ADGRE3: variants seen among roughly 807,000 people sequenced by gnomAD.
The protein encoded by ADGRE3 is adhesion G protein-coupled receptor E3, also known as EGF-like module receptor 3.
In ADGRE3, 88 loss-of-function variants were observed where a neutral mutation model predicts 80.1. The ratio of observed to expected loss-of-function variants is 1.10; its 90% CI spans 0.93 to 1.31. The LOEUF is 1.31. Ranked by LOEUF, ADGRE3 falls within the 40% of genes most tolerant of loss-of-function variation. ADGRE3 has a pLI of 0.00. For synonymous variants in ADGRE3, 281 were observed against 294.8 expected (o/e 0.95, Z 0.48); for missense variants, 715 against 776.5 (o/e 0.92, Z 0.94).
At chr19:14,638,478 A>C in intron 10 of ADGRE3, 138 bp from the exon 11 acceptor site, 1 of 631,792 alleles carries the variant, frequency 1.6e-6, no homozygotes, top group Non-Finnish European at 2.8e-6. Flanking sequence ...AACTGGATGC[A>C]GTGGCTCATG....
intron 4 of ADGRE3, 76 bp downstream of exon 4, chr19:14,661,887 A>T: frequency 6.7e-7 from 1 of 1,502,420 alleles, no homozygotes; most frequent in Non-Finnish European, 9.2e-7. Flanking sequence ...TCTGTCTCAA[A>T]ACAAAACAAA....
chr19:14,644,154 C>T lies in ADGRE3; in HGVS notation c.1004G>A (p.Cys335Tyr), dbSNP rs1332429658. The change falls in exon 9 of 16, where the codon TGC (cysteine) becomes TAC (tyrosine). Residue 335 changes from cysteine (C) to tyrosine (Y), a missense_variant. By Grantham distance (194) the Cys-to-Tyr change is radical (BLOSUM62 -2). Transcript: ENST00000253673. ...GACAGCGAAGCTGGACAGGTGACTG[C>T]AATTACACATGGTGTGACTCTTGTT... ...HVNKSHTMCN[C>Y]SHLSSFAVLM... 5 of 1,597,850 alleles carry T rather than the reference C, an allele frequency of 3.1e-6. 1 individual carries two copies. The highest frequency in any genetic ancestry group is 3.3e-4 in the Middle Eastern group (2 of 5,976).
At chr19:14,607,425 G>A in the ADGRE3 span, among the ~76,000 whole-genome samples, 4,795 of 151,700 alleles carry the variant, frequency 0.032, 111 homozygotes, top group East Asian at 0.073. Flanking sequence ...GGATGGTCTT[G>A]ATCTCCTGAC....
Position 14,625,575 on chromosome 19 carries a change from A to C in ADGRE3, c.1837T>G (p.Phe613Val), listed in dbSNP as rs777402584. Residue 613 changes from phenylalanine to valine, a missense_variant, in exon 15 of 16, where the codon TTT (phenylalanine) becomes GTT (valine). By Grantham distance (50) the Phe-to-Val change is conservative (BLOSUM62 -1). Coordinates refer to ENST00000253673, the MANE Select transcript of ADGRE3 (RefSeq NM_032571.5). ...GATTTTGATTTTACGATCTCTCTAA[A>C]CCACTTTTGATATTGTTTCTGGACC... ...QQVQKQYQKW[F>V]REIVKSKSES... 1 of 1,613,268 alleles carries C rather than the reference A, an allele frequency of 6.2e-7. No homozygotes were observed. The highest frequency in any genetic ancestry group is 1.1e-5 in the South Asian group (1 of 91,010).
At chr19:14,650,494 C>T (rs1279298726) in intron 7 of ADGRE3, among the ~76,000 whole-genome samples, 1 of 151,372 alleles carries the variant, frequency 6.6e-6, no homozygotes, top group Non-Finnish European at 1.5e-5. Context: ...CTCTCCCCAT[C>T]TCTCTCTTCC....
chr19:14,659,662 A>C (rs1407623950), intron 4 of ADGRE3, among the ~76,000 whole-genome samples: 1 of 151,568 alleles, frequency 6.6e-6, no homozygotes, highest in African/African-American at 2.4e-5. Context: ...CTCTACTAAA[A>C]ATACAAAAAT....
chr19:14,671,486 C>G (rs1176550968), intron 1 of ADGRE3, among the ~76,000 whole-genome samples: 1 of 152,164 alleles, frequency 6.6e-6, no homozygotes, highest in East Asian at 1.9e-4. Context: ...TATTAGGCCC[C>G]CTGGAAAATT....
In ADGRE3 at chr19:14,663,461, T is replaced by G; in HGVS notation, c.156A>C (p.Gly52=). 3 of 1,613,160 alleles carry G rather than the reference T, an allele frequency of 1.9e-6. No homozygotes were observed. Among genetic ancestry groups the G allele is most frequent in the Non-Finnish European group, 2.5e-6 (3 of 1,179,350 alleles). ...GGAATGTGAATAGTTTCTGCCCAGATCCAGAAGTATATCCATGGTTGCAGG... is the reference window on the plus strand; with the variant it reads ...GGAATGTGAATAGTTTCTGCCCAGAGCCAGAAGTATATCCATGGTTGCAGG... ...HCTCNHGYTS[G]SGQKLFTFPL... is the part of the protein sequence containing the mutation. The change falls in exon 3 of 16, where the codon GGA becomes GGC. Residue 52 remains glycine, a synonymous_variant. Coordinates refer to ENST00000253673, the MANE Select transcript of ADGRE3 (RefSeq NM_032571.5).
At chr19:14,655,209 G>A in intron 5 of ADGRE3, 44 bp from the exon 6 acceptor site, 1 of 1,543,806 alleles carries the variant, frequency 6.5e-7, no homozygotes, top group Non-Finnish European at 8.8e-7. Context: ...AATGTAATCT[G>A]GTAAGTCCCA....
Position 14,630,148 on chromosome 19 carries a change from C to T in ADGRE3, c.1703G>A (p.Gly568Asp), listed in dbSNP as rs140590698. Residue 568 changes from glycine (G) to aspartate (D), a missense_variant, in exon 14 of 16, where the codon GGC becomes GAC. Physicochemically the swap from Gly to Asp is moderately conservative, Grantham distance 94. Transcript: ENST00000253673. ...GGCAGCTGGACCCACCTGTAGCAAG[C>T]CCAGACACCATGTGCAGCCCAGGAT... ...LFILGCTWCL[G>D]LLQVGPAAQV... is the part of the protein sequence containing the mutation. The T allele has an allele frequency of 3.5e-5, 56 of 1,613,360 alleles. No individual in the cohort carries two copies. The highest frequency in any genetic ancestry group is 4.4e-5 in the Non-Finnish European group (52 of 1,179,564).
chr19:14,645,423 C>G (rs985761910), intron 8 of ADGRE3, among the ~76,000 whole-genome samples: 1 of 152,072 alleles, frequency 6.6e-6, no homozygotes, highest in Non-Finnish European at 1.5e-5. Context: ...CTTTGGGAAG[C>G]CAAGGCGGGT....
chr19:14,611,522 C>T, the ADGRE3 span, among the ~76,000 whole-genome samples: 1 of 151,756 alleles, frequency 6.6e-6, no homozygotes, highest in African/African-American at 2.4e-5. Context: ...GGACTACAGG[C>T]GTTCACCCTC....
chr19:14,657,046 C>T (rs926725091), intron 5 of ADGRE3, among the ~76,000 whole-genome samples: 12 of 152,144 alleles, frequency 7.9e-5, no homozygotes, highest in African/African-American at 2.4e-4. Flanking sequence ...CAGGCATGCG[C>T]CCCCATGCCC....
chr19:14,643,144 G>GTTTTTTTTTTT (rs373306807), intron 9 of ADGRE3, among the ~76,000 whole-genome samples: 7 of 124,064 alleles, frequency 5.6e-5, no homozygotes, highest in African/African-American at 1.8e-4. Context: ...AGTAATCATG[G>GTTTTTTTTTTT]TTTTTTTTTT....
chr19:14,665,054 C>CTTT (rs1333894754), intron 2 of ADGRE3, among the ~76,000 whole-genome samples: 1 of 132,676 alleles, frequency 7.5e-6, no homozygotes, highest in East Asian at 2.2e-4. Context: ...GGAGCAACCT[C>CTTT]ATTTTTTTTT....
At chr19:14,658,159 A>G (rs949589709) in intron 5 of ADGRE3, among the ~76,000 whole-genome samples, 11 of 152,102 alleles carry the variant, frequency 7.2e-5, no homozygotes. Context: ...AACTGTATAT[A>G]TAGTGATATA....
chr19:14,620,464 GAATATATT>G, intron 15 of ADGRE3, among the ~76,000 whole-genome samples: 2 of 20,592 alleles, frequency 9.7e-5, no homozygotes, highest in Non-Finnish European at 1.9e-4. Flanking sequence ...ATGAATATAT[GAATATATT>G]ATGAGTACAT....
In ADGRE3 at chr19:14,636,098, C is replaced by CTT. The variant is rs1319126852; in HGVS notation, c.1484+2005_1484+2006dup. Among the ~76,000 whole-genome samples the CTT allele has an allele frequency of 7.7e-4, 33 of 43,026 alleles. 4 individuals are homozygous for CTT. The highest frequency in any genetic ancestry group is 1.6e-3 in the African/African-American group (22 of 13,590). The allele number at this position is 43,026 out of a possible 152,430, so 28.2% of individuals were successfully genotyped here. A position where few individuals can be genotyped will look rare whatever the true frequency, so the allele number is the denominator to read the frequency against. ...TTCCTTTCCCTTTCTTTCTTTCTTTCTTTCTTTCTTTCTTTCTTTCTTTCT... is the reference window on the plus strand; with the variant it reads ...TTCCTTTCCCTTTCTTTCTTTCTTTCTTTTTCTTTCTTTCTTTCTTTCTTTCT... On this transcript the variant is annotated intron_variant, in intron 11 of 15. Transcript: ENST00000253673.
chr19:14,607,079 G>C, the ADGRE3 span: 1 of 1,329,190 alleles, frequency 7.5e-7, no homozygotes, highest in African/African-American at 1.5e-5. Flanking sequence ...GGAGGTGGCT[G>C]GATGGGTCTC....
Sources: gnomAD v4.1 joint callset for allele counts (sites outside exome capture counted in the v4.1 genomes callset) on GRCh38, gnomAD v4.1.1 for gene constraint, MANE v1.5 for transcripts, NCBI Gene and HGNC (gene_info 2026-07-23, HGNC 2026-07-21) for gene names.